The following HIBCH variants were observed in gnomAD, a reference collection of about 807,000 sequenced individuals.
The protein encoded by HIBCH is 3-hydroxyisobutyryl-CoA hydrolase, also known as 3-hydroxyisobutyryl-CoA hydrolase, mitochondrial.
HIBCH carries 50 observed loss-of-function variants against 58.2 expected under a neutral mutation model. That is an observed-to-expected ratio of 0.86 (90% confidence interval 0.68 to 1.09). The LOEUF (loss-of-function observed/expected upper bound fraction) is 1.09, where lower values mean the gene tolerates loss of function less well. Among genes scored for constraint, HIBCH ranks in the 50% least tolerant of loss-of-function variants. HIBCH has a pLI of 0.00. For synonymous variants in HIBCH, 151 were observed against 146.9 expected (o/e 1.03, Z -0.20); for missense variants, 450 against 449.7 (o/e 1.00, Z -0.01).
At chr2:190,230,434 C>T (rs558678458) in intron 11 of HIBCH, among the ~76,000 whole-genome samples, 53 of 152,330 alleles carry the variant, frequency 3.5e-4, no homozygotes, top group African/African-American at 1.1e-3. Flanking sequence ...TCTTGGCTCA[C>T]GCCTGTAATC....
intron 1 of HIBCH, among the ~76,000 whole-genome samples, chr2:190,195,082 TTGAACTCCTGGGCTCAAATGATACTCGCC>T (rs1689905642): frequency 6.6e-6 from 1 of 152,208 alleles, no homozygotes; most frequent in African/African-American, 2.4e-5. Flanking sequence ...TAGGCTGGTC[TTGAACTCCTGGGCTCAAATGATACTCGCC>T]TCAGCCTCCC....
At chr2:190,267,865 A>T (rs1687285911) in intron 6 of HIBCH, among the ~76,000 whole-genome samples, 1 of 152,132 alleles carries the variant, frequency 6.6e-6, no homozygotes, top group Admixed American at 6.5e-5. Context: ...TCAAGCCATC[A>T]TTCTAGGATG....
intron 6 of HIBCH, among the ~76,000 whole-genome samples, chr2:190,275,994 A>T (rs1687538922): frequency 6.6e-6 from 1 of 152,340 alleles, no homozygotes; most frequent in Non-Finnish European, 1.5e-5. Context: ...TGAGATCAAG[A>T]TCCTGAAGCA....
At chr2:190,310,234 A>G (rs1409976507) in intron 2 of HIBCH, among the ~76,000 whole-genome samples, 9 of 152,114 alleles carry the variant, frequency 5.9e-5, no homozygotes, top group Admixed American at 5.9e-4. Flanking sequence ...CTAACTTGTG[A>G]GGTTTTGGGA....
At chr2:190,270,158 A>G (rs1362952560) in intron 6 of HIBCH, among the ~76,000 whole-genome samples, 2 of 152,118 alleles carry the variant, frequency 1.3e-5, no homozygotes, top group Admixed American at 6.6e-5. Flanking sequence ...CAGGTGCAGC[A>G]TATCACCATG....
In HIBCH at chr2:190,213,009, T is replaced by G. The variant is rs750514913; in HGVS notation, c.958A>C (p.Lys320Gln). ...TLRQLMEGSS[K>Q]TLQEVLTMEY... ...ATAGTTAGTACTTCTTGCAAGGTCT[T>G]TGAAGACCCCTCCATGAGTTGCCTT... The change falls in exon 12 of 14, where the codon AAG (lysine) becomes CAG (glutamine). Residue 320 changes from lysine to glutamine, a missense_variant. By Grantham distance (53) the Lys-to-Gln change is moderately conservative (BLOSUM62 1). Transcript: ENST00000359678. 9 of 1,610,716 alleles carry G rather than the reference T, an allele frequency of 5.6e-6. No homozygotes were observed. The highest frequency in any genetic ancestry group is 6.8e-6 in the Non-Finnish European group (8 of 1,177,288).
Position 190,249,503 on chromosome 2 carries a change from T to C in HIBCH, c.750+137A>G, listed in dbSNP as rs2244076. 159,592 of 600,376 alleles carry C rather than the reference T, an allele frequency of 0.27. 23,659 individuals carry two copies. The highest frequency in any genetic ancestry group is 0.48 in the East Asian group (16,248 of 34,100). The allele number at this position is 600,376 out of a possible 1,614,324, so 37.2% of individuals were successfully genotyped here. The stretch of plus-strand genomic sequence containing the variant: ...AACAACTGTGAAGCACTGATTCTTC[T>C]GCCACGCTTTAAAGTAAATAAATCC... On this transcript the variant is annotated intron_variant, in intron 9 of 13. Coordinates refer to ENST00000359678, the MANE Select transcript of HIBCH (RefSeq NM_014362.4).
intron 1 of HIBCH, among the ~76,000 whole-genome samples, chr2:190,194,203 A>C (rs947740858): frequency 1.3e-5 from 2 of 152,162 alleles, no homozygotes; most frequent in Non-Finnish European, 2.9e-5. Flanking sequence ...GCACTTGATA[A>C]GAATATGTAA....
Position 190,304,172 on chromosome 2 carries a change from T to A in HIBCH, c.78+6582A>T, listed in dbSNP as rs1688342267. ...AAACTGGTGAAATCCAAATAAAGTCTGGAGTTAACAGTAATATACAAATTG... is the reference window on the plus strand; with the variant it reads ...AAACTGGTGAAATCCAAATAAAGTCAGGAGTTAACAGTAATATACAAATTG... On this transcript the variant is annotated intron_variant, in intron 2 of 13. Coordinates refer to ENST00000359678, the MANE Select transcript of HIBCH (RefSeq NM_014362.4). This position sits in a 1 kb window ranked among gnomAD's most constrained non-coding sequence, Gnocchi z 4.1. Among the ~76,000 whole-genome samples, 1 of 151,874 alleles carries A rather than the reference T, an allele frequency of 6.6e-6. No homozygotes were observed. The highest frequency in any genetic ancestry group is 1.5e-5 in the Non-Finnish European group (1 of 68,004).
intron 4 of HIBCH, among the ~76,000 whole-genome samples, chr2:190,291,916 T>G (rs745989247): frequency 1.1e-3 from 161 of 152,378 alleles, no homozygotes; most frequent in African/African-American, 3.8e-3. Flanking sequence ...GTTTCCTCTT[T>G]TATGGGAAAG....
At chr2:190,200,301 G>A, downstream of HIBCH, 2 of 667,616 alleles carry the variant, frequency 3.0e-6, no homozygotes, top group Non-Finnish European at 5.2e-6. Context: ...AGGATGAAAT[G>A]CATTTTAAGT....
chr2:190,223,826 C>G (rs1685804255), intron 11 of HIBCH, among the ~76,000 whole-genome samples: 1 of 152,242 alleles, frequency 6.6e-6, no homozygotes, highest in Non-Finnish European at 1.5e-5. Context: ...CTCCAGTCTA[C>G]AGCTCCCAGA....
intron 4 of HIBCH, among the ~76,000 whole-genome samples, chr2:190,293,895 T>A (rs1044186883): frequency 2.0e-5 from 3 of 151,730 alleles, no homozygotes; most frequent in Non-Finnish European, 2.9e-5. Flanking sequence ...TCTTTAACAT[T>A]TAAATGTGTA....
intron 11 of HIBCH, among the ~76,000 whole-genome samples, chr2:190,237,340 T>C (rs1250510834): frequency 1.3e-5 from 2 of 152,226 alleles, no homozygotes; most frequent in Non-Finnish European, 2.9e-5. Flanking sequence ...CCACCATCTT[T>C]TGTTGACATA....
At chr2:190,311,756 A>T (rs1688563986) in intron 1 of HIBCH, among the ~76,000 whole-genome samples, 1 of 152,248 alleles carries the variant, frequency 6.6e-6, no homozygotes, top group Non-Finnish European at 1.5e-5. Context: ...TAATACAGCC[A>T]TTACACAACC....
At chr2:190,203,468 A>T (rs1690309370), downstream of HIBCH, 1 of 165,884 alleles carries the variant, frequency 6.0e-6, no homozygotes, top group Non-Finnish European at 1.5e-5. Flanking sequence ...GCACAATAAA[A>T]GTCCAGTTGC....
chr2:190,190,031 T>G (rs1248373034), intron 1 of HIBCH: 1 of 152,214 alleles, frequency 6.6e-6, no homozygotes, highest in South Asian at 2.1e-4. Context: ...TCCCCTGGAT[T>G]TAGGTGCCCC....
At chr2:190,205,432 G>A (rs1371891084) in intron 13 of HIBCH, among the ~76,000 whole-genome samples, 200 bp from the exon 14 acceptor site, 3 of 152,092 alleles carry the variant, frequency 2.0e-5, no homozygotes, top group African/African-American at 7.2e-5. Context: ...GATGACTGGG[G>A]TGGATATTTT....
rs1022163822 is a variant in HIBCH, at chr2:190,192,450, A to ATC, written c.*18-2455_*18-2454dup. Among the ~76,000 whole-genome samples the ATC allele has an allele frequency of 3.4e-4, 32 of 93,786 alleles. 2 individuals carry two copies. In the South Asian group the frequency reaches 0.012, roughly 35 times the overall value. 61.5% of individuals were successfully genotyped at this position (93,786 alleles called of 152,430 possible). On this transcript the variant is annotated intron_variant, in intron 1 of 1. Transcript: ENST00000399855. ...TTTGTGTTTCCATGTATAATTCAGAATCTGTGTGTGTGTGTGTGTGTGTGT... is the reference window on the plus strand; with the variant it reads ...TTTGTGTTTCCATGTATAATTCAGAATCTCTGTGTGTGTGTGTGTGTGTGTGT...
Sources: allele counts gnomAD v4.1 joint callset (sites outside exome capture counted in the v4.1 genomes callset), GRCh38; gene constraint gnomAD v4.1.1; non-coding constraint Gnocchi (gnomAD v3.1); transcripts MANE v1.5; gene names NCBI Gene and HGNC (gene_info 2026-07-23, HGNC 2026-07-21).